The following LEKR1 variants were observed in gnomAD, a reference collection of about 807,000 sequenced individuals.
LEKR1 encodes leucine, glutamate and lysine rich 1, also known as protein LEKR1.
LEKR1 carries 59 observed loss-of-function variants against 72.4 expected under a neutral mutation model. The ratio of observed to expected loss-of-function variants is 0.82; its 90% CI spans 0.66 to 1.01. The LOEUF is 1.01. LEKR1 is among the 50% of genes least tolerant of loss of function. The probability of loss-of-function intolerance (pLI) is 0.00; values close to 1 mark genes in which losing one functional copy is unlikely to be tolerated. For missense variants in LEKR1, 728 were observed against 759.2 expected, an observed-to-expected ratio of 0.96 and a Z score of 0.48; for synonymous variants, 257 against 263.2, an observed-to-expected ratio of 0.98 and a Z score of 0.23.
At chr3:156,849,924 A>G (rs1393602616) in intron 2 of LEKR1, among the ~76,000 whole-genome samples, 2 of 152,354 alleles carry the variant, frequency 1.3e-5, no homozygotes, top group Non-Finnish European at 2.9e-5. Flanking sequence ...TAATTAAACT[A>G]AAGATCTTCT....
At chr3:156,924,546 A>C (rs906808653) in intron 4 of LEKR1, 49 of 669,554 alleles carry the variant, frequency 7.3e-5, no homozygotes, top group African/African-American at 5.4e-4. Context: ...GGTCAGAAGG[A>C]TTTTCTCCTG....
intron 3 of LEKR1, among the ~76,000 whole-genome samples, chr3:156,891,470 TAGTA>T (rs1015236753): frequency 1.3e-5 from 2 of 152,122 alleles, no homozygotes; most frequent in African/African-American, 4.8e-5. Flanking sequence ...CTTAAAGAGT[TAGTA>T]AGGGAGAAAT....
chr3:156,980,616 G>C (rs573274278), intron 7 of LEKR1, among the ~76,000 whole-genome samples: 1 of 152,124 alleles, frequency 6.6e-6, no homozygotes, highest in Admixed American at 6.6e-5. Flanking sequence ...TCAAGGAGGG[G>C]TTTGGCCATG....
chr3:157,024,739 T>A (rs376346412), intron 10 of LEKR1, 21 bp from the exon 11 acceptor site: 3 of 1,578,862 alleles, frequency 1.9e-6, no homozygotes, highest in Admixed American at 3.9e-5. Flanking sequence ...GTTTTACATG[T>A]GCTTTAAATG....
At chr3:157,039,703 G>GGTATTTGCAAGCACAAATAGT (rs1735218203) in intron 12 of LEKR1, among the ~76,000 whole-genome samples, 1 of 152,194 alleles carries the variant, frequency 6.6e-6, no homozygotes, top group South Asian at 2.1e-4. Context: ...AATAATACAT[G>GGTATTTGCAAGCACAAATAGT]GTATTTGCAA....
intron 2 of LEKR1, among the ~76,000 whole-genome samples, chr3:156,839,784 G>T (rs1713656048): frequency 6.6e-6 from 1 of 152,196 alleles, no homozygotes; most frequent in Admixed American, 6.5e-5. Flanking sequence ...TTTACAACAT[G>T]AACCTTCCTA....
At chr3:157,015,392 C>A (rs1733228479) in intron 10 of LEKR1, among the ~76,000 whole-genome samples, 1 of 152,104 alleles carries the variant, frequency 6.6e-6, no homozygotes, top group Non-Finnish European at 1.5e-5. Context: ...TTGCACATGG[C>A]CAGTAATTTG....
intron 3 of LEKR1, among the ~76,000 whole-genome samples, chr3:156,875,887 C>T (rs747107125): frequency 1.9e-4 from 28 of 148,532 alleles, no homozygotes; most frequent in Admixed American, 4.8e-4. Context: ...CCCAGCTACT[C>T]GGGAGGCTGA....
intron 9 of LEKR1, among the ~76,000 whole-genome samples, chr3:156,995,355 A>G (rs191479207): frequency 1.3e-5 from 2 of 152,350 alleles, no homozygotes; most frequent in South Asian, 2.1e-4. Context: ...GACAGTTTCT[A>G]TCAGCTTTCA....
intron 3 of LEKR1, among the ~76,000 whole-genome samples, chr3:156,904,709 G>A (rs1722370377): frequency 6.6e-6 from 1 of 151,468 alleles, no homozygotes; most frequent in East Asian, 1.9e-4. Flanking sequence ...ATGTTGCCCA[G>A]GCTGGTCCCA....
intron 3 of LEKR1, among the ~76,000 whole-genome samples, chr3:156,885,381 A>G (rs902108407): frequency 6.6e-6 from 1 of 152,182 alleles, no homozygotes; most frequent in Admixed American, 6.5e-5. Flanking sequence ...TACCAGAATA[A>G]CTTTTTTATT....
chr3:157,021,358 C>T (rs1190341452), intron 10 of LEKR1, among the ~76,000 whole-genome samples: 2 of 151,994 alleles, frequency 1.3e-5, no homozygotes, highest in Admixed American at 1.3e-4. Flanking sequence ...CTTGCCCATG[C>T]CTATGTCCTG....
chr3:156,968,288 A>G (rs1358151097), intron 6 of LEKR1, among the ~76,000 whole-genome samples: 1 of 152,198 alleles, frequency 6.6e-6, no homozygotes, highest in Admixed American at 6.5e-5. Flanking sequence ...TTAACCTTAA[A>G]TGTAAATGGA....
At chr3:156,992,892 T>G (rs2108009637) in intron 8 of LEKR1, among the ~76,000 whole-genome samples, 162 bp downstream of exon 8, 1 of 152,304 alleles carries the variant, frequency 6.6e-6, no homozygotes, top group Admixed American at 6.5e-5. Context: ...TGGTTATTGC[T>G]GTTGCCACTG....
chr3:156,974,480 G>T (rs1729519169), intron 6 of LEKR1, among the ~76,000 whole-genome samples: 1 of 152,094 alleles, frequency 6.6e-6, no homozygotes, highest in African/African-American at 2.4e-5. Flanking sequence ...AACGCTCCTT[G>T]TTACCATATT....
chr3:157,032,080 TGAGAGAGAGAGA>T (rs143205047), intron 12 of LEKR1, among the ~76,000 whole-genome samples: 1 of 132,296 alleles, frequency 7.6e-6, no homozygotes, highest in South Asian at 2.4e-4. Flanking sequence ...GGAGAGAGAG[TGAGAGAGAGAGA>T]GAGAGAGAAA....
chr3:157,013,668 C>A lies in LEKR1; in HGVS notation c.1203+2162C>A, dbSNP rs529967394. Among the ~76,000 whole-genome samples the A allele has an allele frequency of 2.0e-5, 3 of 151,936 alleles. No homozygotes were observed. In the South Asian group the frequency reaches 6.2e-4, roughly 31 times the overall value. On this transcript the variant is annotated intron_variant, in intron 10 of 12. Coordinates refer to ENST00000356539, the MANE Select transcript of LEKR1 (RefSeq NM_001004316.3). ...AGCTAGCAGTAAATCAAGATCCAGA[C>A]CAGAAAAGCAAAGGACTAATAATTA...
At chr3:157,003,342 A>G (rs1732157588) in intron 9 of LEKR1, among the ~76,000 whole-genome samples, 1 of 152,214 alleles carries the variant, frequency 6.6e-6, no homozygotes, top group Non-Finnish European at 1.5e-5. Context: ...ACTTATAGGA[A>G]GACCATTGTA....
chr3:156,925,525 C>T (rs1051672793), intron 4 of LEKR1, among the ~76,000 whole-genome samples: 4 of 152,016 alleles, frequency 2.6e-5, no homozygotes, highest in African/African-American at 9.7e-5. Context: ...TTATTCATCT[C>T]TTAGCAACTG....
Sources: gnomAD v4.1 joint callset for allele counts (sites outside exome capture counted in the v4.1 genomes callset) on GRCh38, gnomAD v4.1.1 for gene constraint, MANE v1.5 for transcripts, NCBI Gene and HGNC (gene_info 2026-07-23, HGNC 2026-07-21) for gene names.